The following ZNF611 variants were observed in gnomAD, a reference collection of about 807,000 sequenced individuals.
The protein encoded by ZNF611 is zinc finger protein 611.
Under a neutral mutation model 8.9 loss-of-function variants are expected in ZNF611, and 6 were observed. The ratio of observed to expected loss-of-function variants is 0.68; its 90% CI spans 0.37 to 1.34. ZNF611 has a LOEUF of 1.34. ZNF611 is among the 40% of genes most tolerant of loss of function. The pLI is 0.02. For synonymous variants in ZNF611, 262 were observed against 279.7 expected (o/e 0.94, Z 0.63); for missense variants, 874 against 841.3 (o/e 1.04, Z -0.48).
In ZNF611 at chr19:52,705,914, G is replaced by A. The variant is rs148756171; in HGVS notation, c.1141C>T (p.Arg381Trp). 32 of 1,613,970 alleles carry A rather than the reference G, an allele frequency of 2.0e-5. 1 individual carries two copies. The African/African-American group carries it at 2.7e-4, about 13-fold the overall frequency. The change falls in exon 6 of 6, where the codon CGG (arginine) becomes TGG (tryptophan). Residue 381 changes from arginine (R) to tryptophan (W), a missense_variant. Transcript: ENST00000652185. Reference protein sequence around the residue: ...KCEECDKVFSRKSTIETHKRI... With the variant: ...KCEECDKVFSWKSTIETHKRI... The stretch of plus-strand genomic sequence containing the variant: ...TTATGTGTCTCAATGGTTGATTTCC[G>A]ACTGAAAACTTTGTCACATTCTTCA...
chr19:52,729,770 TC>T (rs1464462898), intron 2 of ZNF611, 135 bp downstream of exon 2: 2 of 152,116 alleles, frequency 1.3e-5, no homozygotes, highest in African/African-American at 4.8e-5. Flanking sequence ...AACAATTCCC[TC>T]TTAAGAAAAA....
chr19:52,723,959 C>T (rs901591495), intron 3 of ZNF611: 1 of 152,274 alleles, frequency 6.6e-6, no homozygotes, highest in Admixed American at 6.5e-5. Flanking sequence ...GCATGTCTCA[C>T]CTACAGCCAT....
chr19:52,730,970 C>G (rs1422760733), intron 1 of ZNF611, among the ~76,000 whole-genome samples: 1 of 151,946 alleles, frequency 6.6e-6, no homozygotes, highest in African/African-American at 2.4e-5. Flanking sequence ...AAGTCACGCT[C>G]TATCACTCAG....
chr19:52,705,968 T>C lies in ZNF611; in HGVS notation c.1087A>G (p.Ile363Val). 6.2e-7 allele frequency: 1 copy of C among 1,614,174 alleles called. No individual in the cohort carries two copies. Among genetic ancestry groups the C allele is most frequent in the Non-Finnish European group, 8.5e-7 (1 of 1,180,026 alleles). ...NQQSQLSHHR[I>V]HTGEKPYKCE... ...TTGTAAGGTTTCTCTCCAGTATGAA[T>C]TCTATGATGTGAAAGTTGTGATTGT... Residue 363 changes from isoleucine to valine, a missense_variant, in exon 6 of 6, where the codon ATT becomes GTT. By Grantham distance (29) the Ile-to-Val change is conservative (BLOSUM62 3). Transcript: ENST00000652185.
intron 4 of ZNF611, among the ~76,000 whole-genome samples, chr19:52,715,241 A>G (rs1328716074): frequency 1.3e-5 from 2 of 151,920 alleles, no homozygotes; most frequent in African/African-American, 2.4e-5. Flanking sequence ...GCGGATCACA[A>G]GGTCAGGAGT....
At chr19:52,712,330 G>C (rs1336579228) in intron 5 of ZNF611, among the ~76,000 whole-genome samples, 2 of 151,776 alleles carry the variant, frequency 1.3e-5, no homozygotes, top group East Asian at 1.9e-4. Context: ...TGTGAAAACA[G>C]AGCCAGGCTG....
In ZNF611 at chr19:52,704,132, C is replaced by T. The variant is rs779653237; in HGVS notation, c.*805G>A. 7 of 344,704 alleles carry T rather than the reference C, an allele frequency of 2.0e-5. No homozygotes were observed. The highest frequency in any genetic ancestry group is 4.0e-5 in the Non-Finnish European group (7 of 173,834). 21.4% of individuals were successfully genotyped at this position (344,704 alleles called of 1,614,324 possible). On this transcript the variant is annotated 3_prime_UTR_variant, in exon 6 of 6. Transcript: ENST00000652185. ...TACAGGTCGGAGCCACCACACCTGG[C>T]CCCATCCTCTTAACATAAACACTTG...
rs763252869 is a variant in ZNF611 at position 52,705,212 on chromosome 19, G to T, written c.1843C>A (p.Leu615Ile). 6.2e-7 allele frequency: 1 copy of T among 1,613,826 alleles called. No individual in the cohort carries two copies. The highest frequency in any genetic ancestry group is 1.3e-5 in the African/African-American group (1 of 74,926). The change falls in exon 6 of 6, where the codon CTT becomes ATT. Residue 615 changes from leucine to isoleucine, a missense_variant. Transcript: ENST00000652185. ...TTGTAAGGTTTCTCACCACTATGAA[G>T]TCTACGATGGCAATGAAGGGATGAC... ...RRSSLHCHRR[L>I]HSGEKPYKCN...
In ZNF611 at chr19:52,704,097, G is replaced by T. The variant is rs544213495; in HGVS notation, c.*840C>A. ...GACCTATGTGCCTTGGCCTCCCGAC[G>T]TGCTGGGATTACAGGTCGGAGCCAC... On this transcript the variant is annotated 3_prime_UTR_variant, in exon 6 of 6. Transcript: ENST00000652185. 1.4e-5 allele frequency: 4 copies of T among 276,704 alleles called. No homozygotes were observed. The highest frequency in any genetic ancestry group is 1.4e-4 in the South Asian group (4 of 28,210). 17.1% of individuals were successfully genotyped at this position (276,704 alleles called of 1,614,324 possible).
At position 52,714,771 on chromosome 19, in the gene ZNF611, G is replaced by A. The variant is rs1405594606; in HGVS notation, c.64-630C>T. On this transcript the variant is annotated intron_variant, in intron 4 of 5. Coordinates refer to ENST00000652185, the MANE Select transcript of ZNF611 (RefSeq NM_001161499.2). Reference sequence around the variant, plus strand: ...TCCCAGCACTTTGGGAGACCAAGACGGGCAGATAATGTGGTCAAGAGATTG... The same window carrying A: ...TCCCAGCACTTTGGGAGACCAAGACAGGCAGATAATGTGGTCAAGAGATTG... Among the ~76,000 whole-genome samples, 2 of 146,702 alleles carry A rather than the reference G, an allele frequency of 1.4e-5. 1 individual carries two copies. Among genetic ancestry groups the A allele is most frequent in the African/African-American group, 5.2e-5 (2 of 38,758 alleles).
At chr19:52,730,971 T>C (rs927435229) in intron 1 of ZNF611, among the ~76,000 whole-genome samples, 2 of 152,050 alleles carry the variant, frequency 1.3e-5, no homozygotes, top group Non-Finnish European at 2.9e-5. Flanking sequence ...AGTCACGCTC[T>C]ATCACTCAGG....
rs761780084 is a variant in ZNF611 at position 52,706,457 on chromosome 19, G to T, written c.598C>A (p.Pro200Thr). Residue 200 changes from proline to threonine, a missense_variant, in exon 6 of 6, where the codon CCC becomes ACC. By Grantham distance (38) the Pro-to-Thr change is conservative. Coordinates refer to ENST00000652185, the MANE Select transcript of ZNF611 (RefSeq NM_001161499.2). ...TAGTTATTAGAAATCTGGGTTTGGG[G>T]CCTACAGGAAATTCTTTGGAATGTT... ...VSTFQRISCR[P>T]QTQISNNYGN... 3.7e-6 allele frequency: 6 copies of T among 1,614,012 alleles called. No individual in the cohort carries two copies. The highest frequency in any genetic ancestry group is 1.7e-6 in the Non-Finnish European group (2 of 1,180,028).
At chr19:52,727,022 T>C (rs1249987239) in intron 3 of ZNF611, among the ~76,000 whole-genome samples, 1 of 152,006 alleles carries the variant, frequency 6.6e-6, no homozygotes, top group Non-Finnish European at 1.5e-5. Context: ...CACATGACCA[T>C]GCCCAGCTAA....
chr19:52,707,662 T>A (rs1335740664), intron 5 of ZNF611: 1 of 152,082 alleles, frequency 6.6e-6, no homozygotes, highest in Non-Finnish European at 1.5e-5. Flanking sequence ...TTTTTTGAGA[T>A]GGAGTCTTGC....
chr19:52,724,907 T>C (rs1012076946), intron 3 of ZNF611, among the ~76,000 whole-genome samples: 2 of 152,152 alleles, frequency 1.3e-5, no homozygotes, highest in African/African-American at 4.8e-5. Flanking sequence ...GTTGCTTTTC[T>C]CCTCCTGCTT....
chr19:52,727,490 G>A (rs1017176560), intron 3 of ZNF611, among the ~76,000 whole-genome samples: 1 of 152,186 alleles, frequency 6.6e-6, no homozygotes, highest in Non-Finnish European at 1.5e-5. Flanking sequence ...CTTGGTAATG[G>A]AGGTGACCAT....
At chr19:52,733,487 G>A (rs1178843138) in intron 1 of ZNF611, among the ~76,000 whole-genome samples, 1 of 151,966 alleles carries the variant, frequency 6.6e-6, no homozygotes, top group Non-Finnish European at 1.5e-5. Flanking sequence ...TTTTTGGCGG[G>A]GGGGAGGTCT....
At chr19:52,722,978 TTCAAGCAA>T (rs1370448463) in intron 3 of ZNF611, among the ~76,000 whole-genome samples, 1 of 148,418 alleles carries the variant, frequency 6.7e-6, no homozygotes, top group East Asian at 2.1e-4. Flanking sequence ...AACTCCTGGA[TTCAAGCAA>T]TCTCTCTGTC....
At chr19:52,733,256 A>G (rs1600340624) in intron 1 of ZNF611, among the ~76,000 whole-genome samples, 1 of 152,124 alleles carries the variant, frequency 6.6e-6, no homozygotes, top group Non-Finnish European at 1.5e-5. Context: ...GTCACAACCA[A>G]TCATATCCAA....
Sources: gnomAD v4.1 joint callset for allele counts (sites outside exome capture counted in the v4.1 genomes callset) on GRCh38, gnomAD v4.1.1 for gene constraint, MANE v1.5 for transcripts, NCBI Gene and HGNC (gene_info 2026-07-23, HGNC 2026-07-21) for gene names.